The following APBB2 variants were observed in gnomAD, a reference collection of about 807,000 sequenced individuals.
APBB2 encodes the protein Fe65-like 1.
In APBB2, 38 loss-of-function variants were observed where a neutral mutation model predicts 82.5. The ratio of observed to expected loss-of-function variants is 0.46; its 90% CI spans 0.36 to 0.60. APBB2 has a LOEUF of 0.60. Ranked by LOEUF, APBB2 falls within the 20% of genes least tolerant of loss-of-function variation. The pLI, the probability that APBB2 is intolerant of heterozygous loss-of-function variation, is 0.00. For missense variants in APBB2, 772 were observed against 972.3 expected (o/e 0.79, Z 2.74); for synonymous variants, 341 against 368.2 (o/e 0.93, Z 0.85).
At chr4:40,964,463 T>C (rs549549812) in intron 6 of APBB2, among the ~76,000 whole-genome samples, 20 of 148,024 alleles carry the variant, frequency 1.4e-4, no homozygotes, top group African/African-American at 5.3e-4. Context: ...AAATCATTTT[T>C]TTCCCCAAAA....
chr4:41,044,677 G>A (rs192158239), intron 4 of APBB2, among the ~76,000 whole-genome samples: 26 of 152,244 alleles, frequency 1.7e-4, no homozygotes, highest in African/African-American at 4.8e-4. Flanking sequence ...TTCTTTCAGC[G>A]TAAGAGTTTC....
intron 10 of APBB2, among the ~76,000 whole-genome samples, chr4:40,909,035 G>T (rs1777854070): frequency 6.6e-6 from 1 of 152,172 alleles, no homozygotes; most frequent in Admixed American, 6.5e-5. Context: ...CTTAGGTCCA[G>T]GGGCAACCTG....
At chr4:41,081,000 C>T (rs994744227) in intron 3 of APBB2, among the ~76,000 whole-genome samples, 12 of 152,180 alleles carry the variant, frequency 7.9e-5, no homozygotes, top group African/African-American at 2.7e-4. Context: ...GATCCACCTG[C>T]CTCGGCCTGT....
At chr4:40,945,698 C>T (rs1788188804) in intron 6 of APBB2, among the ~76,000 whole-genome samples, 1 of 152,128 alleles carries the variant, frequency 6.6e-6, no homozygotes, top group Non-Finnish European at 1.5e-5. Context: ...CTGCAAGCTC[C>T]ACCTCCCGGG....
At chr4:40,830,431 G>A (rs1443370719) in intron 13 of APBB2, 32 bp downstream of exon 13, 1 of 1,464,848 alleles carries the variant, frequency 6.8e-7, no homozygotes, top group Non-Finnish European at 9.6e-7. Flanking sequence ...AAAAAAGAGA[G>A]AGGCGGCCCA....
intron 10 of APBB2, among the ~76,000 whole-genome samples, chr4:40,930,520 CTATT>C (rs917411054): frequency 6.7e-6 from 1 of 150,250 alleles, no homozygotes; most frequent in African/African-American, 2.5e-5. Context: ...GTTGCCATTG[CTATT>C]TAGAGGTTTC....
intron 1 of APBB2, among the ~76,000 whole-genome samples, chr4:41,152,018 A>G (rs1277953484): frequency 6.6e-6 from 1 of 152,094 alleles, no homozygotes; most frequent in Non-Finnish European, 1.5e-5. Context: ...ATATCCTTCA[A>G]CTACTTTCGT....
chr4:41,021,483 G>C (rs1359902583), intron 5 of APBB2, among the ~76,000 whole-genome samples: 1 of 152,152 alleles, frequency 6.6e-6, no homozygotes. Context: ...TCTAGCTAAA[G>C]GATTGTAAAT....
chr4:41,180,186 AC>A (rs1770933224), intron 1 of APBB2, among the ~76,000 whole-genome samples: 2 of 151,804 alleles, frequency 1.3e-5, no homozygotes, highest in South Asian at 4.2e-4. Flanking sequence ...AGCATGCCTG[AC>A]CCCCTCCTCG....
intron 2 of APBB2, among the ~76,000 whole-genome samples, chr4:41,106,038 A>C (rs748744311): frequency 1.2e-4 from 18 of 152,176 alleles, no homozygotes; most frequent in Admixed American, 2.0e-4. Context: ...CCTTACACTG[A>C]CTCTGAAAAT....
At chr4:40,841,568 T>C (rs999531830) in intron 12 of APBB2, among the ~76,000 whole-genome samples, 1 of 152,194 alleles carries the variant, frequency 6.6e-6, no homozygotes, top group Admixed American at 6.5e-5. Flanking sequence ...TTTTGGCTAA[T>C]AATTGACACT....
intron 6 of APBB2, chr4:40,990,384 G>T (rs535975001): frequency 6.6e-6 from 1 of 151,692 alleles, no homozygotes. Flanking sequence ...AGTTGTATCC[G>T]GTGTCTACCG....
At chr4:41,152,648 C>T (rs749860099) in intron 1 of APBB2, among the ~76,000 whole-genome samples, 1 of 152,136 alleles carries the variant, frequency 6.6e-6, no homozygotes, top group African/African-American at 2.4e-5. Flanking sequence ...TCTGATGACT[C>T]GCACTGCTGA....
intron 2 of APBB2, among the ~76,000 whole-genome samples, chr4:41,124,479 G>T (rs1413955944): frequency 1.3e-5 from 2 of 152,018 alleles, no homozygotes; most frequent in Non-Finnish European, 2.9e-5. Context: ...CAAAGTGCTG[G>T]GATTACAGGC....
chr4:41,000,061 A>ATGTGTGTGTGTGTG (rs1218564307), intron 6 of APBB2, among the ~76,000 whole-genome samples: 44 of 113,220 alleles, frequency 3.9e-4, no homozygotes, highest in African/African-American at 1.6e-3. Flanking sequence ...ATGTATATAT[A>ATGTGTGTGTGTGTG]TGTGTGTATG....
chr4:40,837,651 T>A (rs1754420410), intron 12 of APBB2, among the ~76,000 whole-genome samples: 1 of 152,234 alleles, frequency 6.6e-6, no homozygotes, highest in African/African-American at 2.4e-5. Context: ...CTCCAGCTCA[T>A]GCCATACCCT....
rs138655110 is a variant in APBB2 at position 40,981,275 on chromosome 4, C to T, written c.835+32308G>A. 1.9e-3 allele frequency among the ~76,000 whole-genome samples: 290 copies of T among 151,838 alleles called. 1 individual carries two copies. The highest frequency in any genetic ancestry group is 6.7e-3 in the African/African-American group (276 of 41,380). ...AAAATTAGCTGGGTGTGGTAGCACA[C>T]GACTGTAGTTCCAGCTACTTGGGAG... is the stretch of plus-strand genomic sequence containing the variant. On this transcript the variant is annotated intron_variant, in intron 6 of 17. Transcript: ENST00000508593.
chr4:40,953,014 G>A (rs1329804258), intron 6 of APBB2, among the ~76,000 whole-genome samples: 1 of 152,118 alleles, frequency 6.6e-6, no homozygotes, highest in African/African-American at 2.4e-5. Flanking sequence ...TGGATTTTAG[G>A]CCAGGTGCAG....
At chr4:41,093,929 C>T (rs1255016764) in intron 3 of APBB2, among the ~76,000 whole-genome samples, 1 of 151,942 alleles carries the variant, frequency 6.6e-6, no homozygotes, top group African/African-American at 2.4e-5. Flanking sequence ...TCCAGGGCAT[C>T]TGACAGTCAC....
Sources: gnomAD v4.1 joint callset for allele counts (sites outside exome capture counted in the v4.1 genomes callset) on GRCh38, gnomAD v4.1.1 for gene constraint, MANE v1.5 for transcripts, NCBI Gene and HGNC (gene_info 2026-07-23, HGNC 2026-07-21) for gene names.